The following LRRC4C variants were observed in gnomAD, a reference collection of about 807,000 sequenced individuals.
LRRC4C encodes leucine rich repeat containing 4C, also known as leucine-rich repeat-containing protein 4C.
Under a neutral mutation model 33.6 loss-of-function variants are expected in LRRC4C, and 5 were observed. The observed-to-expected ratio is 0.15, with a 90% CI of 0.08 to 0.31. The LOEUF is 0.31. Among genes scored for constraint, LRRC4C ranks in the 10% least tolerant of loss-of-function variants. The pLI, the probability that LRRC4C is intolerant of heterozygous loss-of-function variation, is 1.00. For synonymous variants in LRRC4C, 329 were observed against 302.0 expected, an observed-to-expected ratio of 1.09 and a Z score of -0.93; for missense variants, 560 against 796.7, an observed-to-expected ratio of 0.70 and a Z score of 3.58.
At chr11:40,777,171 A>G (rs183206421) in intron 2 of LRRC4C, among the ~76,000 whole-genome samples, 6 of 152,298 alleles carry the variant, frequency 3.9e-5, no homozygotes, top group Non-Finnish European at 2.9e-5. Flanking sequence ...AGTATGTTCC[A>G]TGTGCACGTA....
chr11:40,439,988 T>A (rs1321448497), intron 3 of LRRC4C, among the ~76,000 whole-genome samples: 1 of 152,200 alleles, frequency 6.6e-6, no homozygotes, highest in African/African-American at 2.4e-5. Flanking sequence ...CCCAATTTGT[T>A]TATGGATAAT....
At chr11:40,981,792 T>C (rs1230936596) in intron 1 of LRRC4C, among the ~76,000 whole-genome samples, 1 of 152,200 alleles carries the variant, frequency 6.6e-6, no homozygotes, top group Non-Finnish European at 1.5e-5. Flanking sequence ...TTTAAAAAAG[T>C]AGTTACAATA....
At chr11:41,006,942 A>G (rs1179921019) in intron 1 of LRRC4C, among the ~76,000 whole-genome samples, 1 of 152,152 alleles carries the variant, frequency 6.6e-6, no homozygotes, top group Non-Finnish European at 1.5e-5. Context: ...TTCATCTTAC[A>G]AGGTAGAAAC....
intron 5 of LRRC4C, among the ~76,000 whole-genome samples, chr11:40,162,183 C>T (rs572507658): frequency 5.1e-4 from 77 of 151,976 alleles, no homozygotes; most frequent in Admixed American, 3.1e-3. Context: ...AAAGACTGAC[C>T]GTTATAACAA....
At chr11:41,054,048 A>G (rs1858443660) in intron 1 of LRRC4C, among the ~76,000 whole-genome samples, 1 of 152,204 alleles carries the variant, frequency 6.6e-6, no homozygotes, top group African/African-American at 2.4e-5. Flanking sequence ...AAGAATAGTC[A>G]TCAAACAAAA....
chr11:40,367,635 G>A (rs1413786726), intron 3 of LRRC4C, among the ~76,000 whole-genome samples: 1 of 152,064 alleles, frequency 6.6e-6, no homozygotes, highest in Non-Finnish European at 1.5e-5. Flanking sequence ...TGTCTTCCAA[G>A]TCATGGACCT....
chr11:40,276,886 C>A (rs966029703), intron 4 of LRRC4C, among the ~76,000 whole-genome samples: 3 of 151,978 alleles, frequency 2.0e-5, no homozygotes, highest in African/African-American at 7.3e-5. Flanking sequence ...CCATCTGGAC[C>A]AATGCCCGGA....
At chr11:40,568,810 G>C (rs1213245855) in intron 3 of LRRC4C, among the ~76,000 whole-genome samples, 3 of 152,176 alleles carry the variant, frequency 2.0e-5, no homozygotes, top group Non-Finnish European at 4.4e-5. Context: ...GATGAGGAAA[G>C]TGGGAAATTA....
intron 2 of LRRC4C, among the ~76,000 whole-genome samples, chr11:40,882,605 C>T (rs1378208932): frequency 6.6e-6 from 1 of 151,948 alleles, no homozygotes; most frequent in Non-Finnish European, 1.5e-5. Flanking sequence ...CTAGTGATGT[C>T]CTACTTATCT....
intron 1 of LRRC4C, among the ~76,000 whole-genome samples, chr11:41,136,004 G>A (rs1943243157): frequency 6.6e-6 from 1 of 152,096 alleles, no homozygotes; most frequent in Non-Finnish European, 1.5e-5. Context: ...TATACTGTGT[G>A]TTCATCCATC....
intron 2 of LRRC4C, among the ~76,000 whole-genome samples, chr11:40,905,455 T>C (rs1412370416): frequency 6.6e-6 from 1 of 151,496 alleles, no homozygotes; most frequent in Non-Finnish European, 1.5e-5. Context: ...ACAAACTCTA[T>C]TGCTGAGTTT....
chr11:41,433,540 A>G (rs1955315286), intron 1 of LRRC4C, among the ~76,000 whole-genome samples: 1 of 152,080 alleles, frequency 6.6e-6, no homozygotes, highest in African/African-American at 2.4e-5. Context: ...GGGAAAGCAG[A>G]CCCACCCTGA....
rs780670429 is a variant in LRRC4C, at chr11:40,739,027, GTA to G, written c.-406-90751_-406-90750del. Among the ~76,000 whole-genome samples, 416 of 68,208 alleles carry G rather than the reference GTA, an allele frequency of 6.1e-3. 3 individuals carry two copies. The highest frequency in any genetic ancestry group is 0.019 in the African/African-American group (380 of 20,080). 44.7% of individuals were successfully genotyped at this position (68,208 alleles called of 152,430 possible). A position where few individuals can be genotyped will look rare whatever the true frequency, so the allele number is the denominator to read the frequency against. On this transcript the variant is annotated intron_variant, in intron 2 of 6. Coordinates refer to ENST00000528697, the MANE Select transcript of LRRC4C (RefSeq NM_001258419.2). ...TGCTATTGTGTGTGTGTGTGTGTGT[GTA>G]TGTGTGTGTGTGTGTGTGTGTGTGG... is the stretch of plus-strand genomic sequence containing the variant.
chr11:41,032,356 AACTTTGT>A (rs1761649638), intron 1 of LRRC4C, among the ~76,000 whole-genome samples: 1 of 152,072 alleles, frequency 6.6e-6, no homozygotes, highest in African/African-American at 2.4e-5. Context: ...ACACTCATCT[AACTTTGT>A]AATTCCAAAA....
intron 1 of LRRC4C, among the ~76,000 whole-genome samples, chr11:40,948,120 C>T (rs1363722324): frequency 6.6e-6 from 1 of 152,094 alleles, no homozygotes. Context: ...CCTGGATTTT[C>T]TCTTATGACT....
intron 1 of LRRC4C, among the ~76,000 whole-genome samples, chr11:41,326,671 A>G (rs1591274382): frequency 6.6e-6 from 1 of 152,222 alleles, no homozygotes; most frequent in Non-Finnish European, 1.5e-5. Flanking sequence ...GTTTTCTGCC[A>G]TGATACACAG....
chr11:40,309,457 T>G (rs2136735216), intron 4 of LRRC4C, among the ~76,000 whole-genome samples: 1 of 152,232 alleles, frequency 6.6e-6, no homozygotes, highest in Non-Finnish European at 1.5e-5. Context: ...CAGTTATTAT[T>G]ATTACAGGGT....
intron 2 of LRRC4C, among the ~76,000 whole-genome samples, chr11:40,844,431 C>G (rs1345006078): frequency 6.6e-6 from 1 of 152,074 alleles, no homozygotes; most frequent in Admixed American, 6.6e-5. Context: ...TTTCCACATT[C>G]TTAAGAAAGA....
chr11:41,224,317 TA>T (rs1344482643), intron 1 of LRRC4C, among the ~76,000 whole-genome samples: 1 of 152,176 alleles, frequency 6.6e-6, no homozygotes, highest in Non-Finnish European at 1.5e-5. Flanking sequence ...TGACTTATTT[TA>T]CGGGACTAAT....
Sources: gnomAD v4.1 joint callset for allele counts (sites outside exome capture counted in the v4.1 genomes callset) on GRCh38, gnomAD v4.1.1 for gene constraint, MANE v1.5 for transcripts, NCBI Gene and HGNC (gene_info 2026-07-23, HGNC 2026-07-21) for gene names.